Variants in WDR49 observed in about 807,000 individuals in gnomAD.
The protein encoded by WDR49 is cilia- and flagella-associated protein 337.
A neutral mutation model predicts 119.5 loss-of-function variants in WDR49; 107 were observed. The ratio of observed to expected loss-of-function variants is 0.90; its 90% confidence interval spans 0.77 to 1.05. The LOEUF (loss-of-function observed/expected upper bound fraction) is 1.05. Among genes scored for constraint, WDR49 ranks in the 50% least tolerant of loss-of-function variants. WDR49 has a pLI of 0.00. For missense variants in WDR49, 1,240 were observed against 1,220.5 expected (o/e 1.02, Z -0.24); for synonymous variants, 425 against 418.8 (o/e 1.01, Z -0.18).
intron 5 of WDR49, among the ~76,000 whole-genome samples, chr3:167,612,453 T>A (rs1716384018): frequency 6.7e-6 from 1 of 150,162 alleles, no homozygotes; most frequent in Non-Finnish European, 1.5e-5. Flanking sequence ...AACCCAAAAT[T>A]AGTAGAAGAA....
At chr3:167,652,684 A>C (rs894230470) in intron 2 of WDR49, among the ~76,000 whole-genome samples, 4 of 152,210 alleles carry the variant, frequency 2.6e-5, no homozygotes, top group African/African-American at 9.7e-5. Context: ...AAAATGAAAA[A>C]TTCTAATTTT....
chr3:167,609,153 C>T (rs1716209699), intron 5 of WDR49, among the ~76,000 whole-genome samples: 2 of 152,212 alleles, frequency 1.3e-5, no homozygotes, highest in Non-Finnish European at 2.9e-5. Flanking sequence ...GAAGTCTCCA[C>T]CAATTCTCCC....
At chr3:167,630,006 A>C (rs1340165867) in intron 2 of WDR49, among the ~76,000 whole-genome samples, 1 of 152,126 alleles carries the variant, frequency 6.6e-6, no homozygotes, top group African/African-American at 2.4e-5. Context: ...TAGACTATTA[A>C]ATAAACTTAG....
chr3:167,573,162 C>T (rs1406640887), intron 8 of WDR49, among the ~76,000 whole-genome samples: 4 of 152,062 alleles, frequency 2.6e-5, no homozygotes, highest in African/African-American at 9.7e-5. Context: ...AGATTTCAGT[C>T]CTAACAAGGC....
chr3:167,481,742 A>G (rs1339724246), intron 18 of WDR49, among the ~76,000 whole-genome samples: 1 of 152,184 alleles, frequency 6.6e-6, no homozygotes, highest in Non-Finnish European at 1.5e-5. Context: ...GAAATGAGGA[A>G]GAAACAAATG....
intron 2 of WDR49, among the ~76,000 whole-genome samples, chr3:167,631,819 G>A (rs1306947932): frequency 6.6e-6 from 1 of 152,092 alleles, no homozygotes; most frequent in Non-Finnish European, 1.5e-5. Flanking sequence ...AGTATCAGTT[G>A]CAAGAAAACT....
At chr3:167,615,128 A>G (rs115390689) in intron 5 of WDR49, among the ~76,000 whole-genome samples, 2,222 of 152,350 alleles carry the variant, frequency 0.015, 60 homozygotes, top group African/African-American at 0.05. Context: ...AAATCTAAGA[A>G]AAGGCATTCT....
chr3:167,573,712 C>T (rs1311537917), intron 8 of WDR49, among the ~76,000 whole-genome samples: 1 of 152,130 alleles, frequency 6.6e-6, no homozygotes, highest in Non-Finnish European at 1.5e-5. Flanking sequence ...CAAGATCACA[C>T]TGTGAAAAAC....
At chr3:167,496,693 C>A (rs1751367460) in intron 18 of WDR49, among the ~76,000 whole-genome samples, 1 of 152,180 alleles carries the variant, frequency 6.6e-6, no homozygotes, top group Admixed American at 6.5e-5. Context: ...ATCTCTGCGT[C>A]TTTAGCATCC....
intron 9 of WDR49, among the ~76,000 whole-genome samples, chr3:167,559,383 G>A (rs955125186): frequency 6.6e-6 from 1 of 152,092 alleles, no homozygotes; most frequent in Admixed American, 6.6e-5. Context: ...GGGCTGAGGG[G>A]GGCAGAGAAG....
chr3:167,632,806 C>T (rs1400040873), intron 2 of WDR49, among the ~76,000 whole-genome samples: 1 of 151,996 alleles, frequency 6.6e-6, no homozygotes, highest in East Asian at 1.9e-4. Context: ...ATATCATACA[C>T]TGTGGTTGGG....
rs762695592 is a variant in WDR49, at chr3:167,575,931, G to T, written c.1496C>A (p.Ser499Tyr). Residue 499 changes from serine (S) to tyrosine (Y), a missense_variant, in exon 8 of 19, where the codon TCT (serine) becomes TAT (tyrosine). By Grantham distance (144) the Ser-to-Tyr change is moderately radical. Transcript: ENST00000682715. ...EKAVTCVLYN[S>Y]ILKQVISSDT... is the part of the protein sequence containing the mutation. Reference sequence around the variant, plus strand: ...AAGCATCATTACCTGCTTCAAGATAGAATTGTAAAGAACACAAGTGACTGC... The same window carrying T: ...AAGCATCATTACCTGCTTCAAGATATAATTGTAAAGAACACAAGTGACTGC... The T allele has an allele frequency of 1.2e-6, 2 of 1,613,954 alleles. No homozygotes were observed. The highest frequency in any genetic ancestry group is 3.3e-5 in the Admixed American group (2 of 59,994).
At chr3:167,641,693 CTCTTT>C (rs1717888778) in intron 2 of WDR49, among the ~76,000 whole-genome samples, 1 of 151,662 alleles carries the variant, frequency 6.6e-6, no homozygotes, top group South Asian at 2.1e-4. Context: ...ATCTTTTTTC[CTCTTT>C]TCTTTAGATT....
intron 18 of WDR49, among the ~76,000 whole-genome samples, chr3:167,496,315 C>T (rs1028965046): frequency 7.2e-5 from 11 of 152,048 alleles, no homozygotes; most frequent in African/African-American, 2.7e-4. Flanking sequence ...TGGTCTGGCC[C>T]CCACCTACCT....
rs541549770 is a variant in WDR49 at position 167,513,382 on chromosome 3, A to G, written c.2775-7966T>C. ...ACTAAGCTTAATAAGCAAAGGAGAA[A>G]CAAGATTGTTTTCAGACAAGAAAAT... On this transcript the variant is annotated intron_variant, in intron 16 of 18. Transcript: ENST00000682715. 4.2e-4 allele frequency among the ~76,000 whole-genome samples: 64 copies of G among 152,316 alleles called. No homozygotes were observed. In the South Asian group the frequency reaches 0.013, roughly 31 times the overall value.
chr3:167,563,206 T>G (rs993358481), intron 8 of WDR49, among the ~76,000 whole-genome samples: 3 of 151,694 alleles, frequency 2.0e-5, no homozygotes, highest in Non-Finnish European at 4.4e-5. Context: ...TACAAAAAAT[T>G]AGCCAGGCGT....
At chr3:167,528,831 C>T (rs763907635) in intron 14 of WDR49, among the ~76,000 whole-genome samples, 113 of 152,204 alleles carry the variant, frequency 7.4e-4, no homozygotes, top group Non-Finnish European at 1.4e-3. Flanking sequence ...AATTGGATGA[C>T]TTACTTAACA....
chr3:167,621,008 C>G (rs1172563888), intron 4 of WDR49, among the ~76,000 whole-genome samples: 2 of 149,480 alleles, frequency 1.3e-5, no homozygotes, highest in African/African-American at 4.8e-5. Context: ...TCAGAGCTGC[C>G]CTCTCTAATC....
intron 12 of WDR49, among the ~76,000 whole-genome samples, chr3:167,531,639 T>C (rs1320196547): frequency 6.6e-6 from 1 of 152,160 alleles, no homozygotes; most frequent in Non-Finnish European, 1.5e-5. Context: ...AAAATTAATC[T>C]TGGAAATATT....
Sources: gnomAD v4.1 joint callset for allele counts (sites outside exome capture counted in the v4.1 genomes callset) on GRCh38, gnomAD v4.1.1 for gene constraint, MANE v1.5 for transcripts, NCBI Gene and HGNC (gene_info 2026-07-23, HGNC 2026-07-21) for gene names.